The following ATOH8 variants were observed in gnomAD, a reference collection of about 807,000 sequenced individuals.
The protein encoded by ATOH8 is transcription factor ATOH8.
In ATOH8, 9 loss-of-function variants were observed where a neutral mutation model predicts 21.2. The ratio of observed to expected loss-of-function variants is 0.42; its 90% CI spans 0.26 to 0.74. ATOH8 has a LOEUF of 0.74. ATOH8 is among the 30% of genes least tolerant of loss of function. The pLI is 0.24. For synonymous variants in ATOH8, 253 were observed against 224.0 expected (o/e 1.13, Z -1.16); for missense variants, 524 against 470.9 (o/e 1.11, Z -1.04).
At chr2:85,762,693 C>A (rs1318398003) in intron 1 of ATOH8, among the ~76,000 whole-genome samples, 1 of 152,160 alleles carries the variant, frequency 6.6e-6, no homozygotes, top group African/African-American at 2.4e-5. Flanking sequence ...GTTTAGGGTC[C>A]CCAGTCTGGG....
At position 85,766,693 on chromosome 2, in the gene ATOH8, C is replaced by G. The variant is rs139548548; in HGVS notation, c.960+2511C>G. On this transcript the variant is annotated intron_variant, in intron 2 of 2. Coordinates refer to ENST00000306279, the MANE Select transcript of ATOH8 (RefSeq NM_032827.7). The surrounding 1 kb of genome is among the most constrained non-coding windows in gnomAD (Gnocchi z 4.0). ...GCCAGATTCCTTTCCAGCTCAGGAC[C>G]CCTGGAGTCGCTGGAGCCTTCGAGC... is the stretch of plus-strand genomic sequence containing the variant. 1.8e-4 allele frequency among the ~76,000 whole-genome samples: 27 copies of G among 152,322 alleles called. 1 individual carries two copies. The East Asian group carries it at 4.6e-3, about 26-fold the overall frequency.
At chr2:85,773,061 C>T (rs956633040) in intron 2 of ATOH8, 5 of 356,170 alleles carry the variant, frequency 1.4e-5, no homozygotes, top group South Asian at 4.3e-5. Flanking sequence ...AAACAGGCAG[C>T]GCCATGGCAG....
At position 85,787,824 on chromosome 2, in the gene ATOH8, G is replaced by C. The variant is rs1310687093; in HGVS notation, c.*934G>C. 1 of 152,910 alleles carries C rather than the reference G, an allele frequency of 6.5e-6. No individual in the cohort carries two copies. The highest frequency in any genetic ancestry group is 1.5e-5 in the Non-Finnish European group (1 of 68,248). The allele number at this position is 152,910 out of a possible 1,614,324, so 9.5% of individuals were successfully genotyped here. Reference sequence around the variant, plus strand: ...TGGCCTGAGGAAGGAGTAGAGGCTGGGTTGGCTGGAGCCGTCCTACTGGGC... The same window carrying C: ...TGGCCTGAGGAAGGAGTAGAGGCTGCGTTGGCTGGAGCCGTCCTACTGGGC... On this transcript the variant is annotated 3_prime_UTR_variant, in exon 3 of 3. Coordinates refer to ENST00000306279, the MANE Select transcript of ATOH8 (RefSeq NM_032827.7).
intron 2 of ATOH8, among the ~76,000 whole-genome samples, chr2:85,784,370 T>G (rs573131169): frequency 3.4e-4 from 51 of 152,074 alleles, no homozygotes; most frequent in African/African-American, 1.1e-3. Context: ...AGGCCTTGTC[T>G]CTATAAAAAA....
intron 2 of ATOH8, among the ~76,000 whole-genome samples, chr2:85,768,532 T>C (rs1680087783): frequency 6.6e-6 from 1 of 151,966 alleles, no homozygotes; most frequent in South Asian, 2.1e-4. Context: ...TGGCGGCCAT[T>C]TGAACTGTCC....
intron 1 of ATOH8, among the ~76,000 whole-genome samples, chr2:85,759,065 G>T (rs2104498031): frequency 6.6e-6 from 1 of 152,328 alleles, no homozygotes; most frequent in Non-Finnish European, 1.5e-5. Context: ...CCTCTCTACG[G>T]AGGACATGCC....
chr2:85,777,836 T>C (rs1265352115), intron 2 of ATOH8, among the ~76,000 whole-genome samples: 1 of 152,184 alleles, frequency 6.6e-6, no homozygotes, highest in East Asian at 1.9e-4. Context: ...ATTTGCTGGA[T>C]GAATGGAGCA....
intron 2 of ATOH8, among the ~76,000 whole-genome samples, chr2:85,776,069 T>C (rs1276281860): frequency 5.9e-5 from 9 of 152,222 alleles, no homozygotes; most frequent in Non-Finnish European, 1.2e-4. Flanking sequence ...CAGAGCCCTC[T>C]CACACCCATG....
chr2:85,763,649 C>G (rs1036623128), intron 1 of ATOH8, among the ~76,000 whole-genome samples: 1 of 152,144 alleles, frequency 6.6e-6, no homozygotes, highest in South Asian at 2.1e-4. Context: ...CAAAATGCCT[C>G]TCAGGAATCT....
chr2:85,766,324 C>T lies in ATOH8; in HGVS notation c.960+2142C>T, dbSNP rs988112171. Among the ~76,000 whole-genome samples the T allele has an allele frequency of 6.6e-6, 1 of 152,124 alleles. No homozygotes were observed. On this transcript the variant is annotated intron_variant, in intron 2 of 2. Transcript: ENST00000306279. This position sits in a 1 kb window ranked among gnomAD's most constrained non-coding sequence, Gnocchi z 4.0. ...CAGGGTAGGAACTCGACTGTTTCCT[C>T]TCCACCCTCCCTCCCCCACACCCAG...
chr2:85,776,025 G>A (rs1181225017), intron 2 of ATOH8, among the ~76,000 whole-genome samples: 2 of 152,184 alleles, frequency 1.3e-5, no homozygotes, highest in African/African-American at 2.4e-5. Flanking sequence ...GGCCCCCAGC[G>A]ACCTCGTTCC....
At chr2:85,774,509 G>A in intron 2 of ATOH8, 6 of 985,448 alleles carry the variant, frequency 6.1e-6, no homozygotes, top group Non-Finnish European at 7.2e-6. Context: ...AGAGGGTGAA[G>A]TCGGGAGCCA....
chr2:85,788,274 C>G lies in ATOH8; in HGVS notation c.*1384C>G, dbSNP rs1300025128. ...CAGCCTGGACTAGTGACCAGGAGGCCTGGTCAGGAACACATGAGGAGCCCT... is the reference window on the plus strand; with the variant it reads ...CAGCCTGGACTAGTGACCAGGAGGCGTGGTCAGGAACACATGAGGAGCCCT... On this transcript the variant is annotated 3_prime_UTR_variant, in exon 3 of 3. Coordinates refer to ENST00000306279, the MANE Select transcript of ATOH8 (RefSeq NM_032827.7). 6.6e-6 allele frequency among the ~76,000 whole-genome samples: 1 copy of G among 151,992 alleles called. No individual in the cohort carries two copies. The highest frequency in any genetic ancestry group is 2.4e-5 in the African/African-American group (1 of 41,366).
chr2:85,764,135 C>T lies in ATOH8; in HGVS notation c.913C>T (p.Arg305Cys), dbSNP rs1257455349. Residue 305 changes from arginine to cysteine, a missense_variant, in exon 2 of 3, where the codon CGC becomes TGC. By Grantham distance (180) the Arg-to-Cys change is radical (BLOSUM62 -3). Transcript: ENST00000306279. ...CCTCAGCTTCTCCGAGTGTGTGCAG[C>T]GCTGCACCCGCACCCTGCAGGCCGA... The part of the protein sequence containing the change: ...SNLSFSECVQ[R>C]CTRTLQAEGR... The T allele has an allele frequency of 1.2e-5, 20 of 1,614,168 alleles. No individual in the cohort carries two copies. Among genetic ancestry groups the T allele is most frequent in the Non-Finnish European group, 1.5e-5 (18 of 1,180,028 alleles).
In ATOH8 at chr2:85,754,300, G is replaced by C. The variant is rs763732697; in HGVS notation, c.111G>C (p.Ala37=). 2.3e-5 allele frequency: 37 copies of C among 1,609,886 alleles called. No homozygotes were observed. The highest frequency in any genetic ancestry group is 2.9e-5 in the Non-Finnish European group (34 of 1,178,878). Residue 37 remains alanine, a synonymous_variant, in exon 1 of 3, where the codon GCG becomes GCC. Coordinates refer to ENST00000306279, the MANE Select transcript of ATOH8 (RefSeq NM_032827.7). The part of the protein sequence containing the change: ...KRKGKEPARR[A]NGYKTFRLDL... ...AAGGCAAGGAGCCGGCGCGGCGCGC[G>C]AACGGCTATAAAACTTTCCGACTGG...
intron 2 of ATOH8, among the ~76,000 whole-genome samples, chr2:85,777,491 G>T (rs1055920854): frequency 6.6e-6 from 1 of 152,194 alleles, no homozygotes; most frequent in African/African-American, 2.4e-5. Context: ...TTAGTGTCAG[G>T]GCAGAGAGCC....
At chr2:85,772,922 GCGGAACTTTTCTT>G in intron 2 of ATOH8, 1 of 416,888 alleles carries the variant, frequency 2.4e-6, no homozygotes, top group Non-Finnish European at 4.7e-6. Context: ...TCCTGACACT[GCGGAACTTTTCTT>G]TCTCAAGGCT....
At chr2:85,770,358 A>T (rs1370545) in intron 2 of ATOH8, among the ~76,000 whole-genome samples, 1 of 152,008 alleles carries the variant, frequency 6.6e-6, no homozygotes, top group Admixed American at 6.5e-5. Flanking sequence ...TTGGTGGCTC[A>T]CATATCCAAC....
intron 2 of ATOH8, among the ~76,000 whole-genome samples, chr2:85,776,624 T>G (rs1378201333): frequency 1.3e-5 from 2 of 152,300 alleles, no homozygotes; most frequent in East Asian, 3.9e-4. Context: ...GAGGGCCTCC[T>G]GCATGGTGGG....
Sources: allele counts gnomAD v4.1 joint callset (sites outside exome capture counted in the v4.1 genomes callset), GRCh38; gene constraint gnomAD v4.1.1; non-coding constraint Gnocchi (gnomAD v3.1); transcripts MANE v1.5; gene names NCBI Gene and HGNC (gene_info 2026-07-23, HGNC 2026-07-21).